Variants in ZNF521 observed in about 807,000 individuals in gnomAD.
ZNF521 encodes the protein zinc finger protein 521, also known as LYST-interacting protein 3.
ZNF521 carries 14 observed loss-of-function variants against 105.5 expected under a neutral mutation model. That is an observed-to-expected ratio of 0.13 (90% CI 0.09 to 0.21). The LOEUF is 0.21. Ranked by LOEUF, ZNF521 falls within the 10% of genes least tolerant of loss-of-function variation. The pLI is 1.00. For missense variants in ZNF521, 1,233 were observed against 1,629.7 expected, an observed-to-expected ratio of 0.76 and a Z score of 4.19; for synonymous variants, 635 against 606.0, an observed-to-expected ratio of 1.05 and a Z score of -0.70.
chr18:25,333,822 T>C (rs780110558), intron 2 of ZNF521, among the ~76,000 whole-genome samples: 46 of 152,232 alleles, frequency 3.0e-4, no homozygotes, highest in Non-Finnish European at 6.3e-4. Flanking sequence ...ATCTGCTTCA[T>C]GGTGTGTTTA....
Position 25,089,517 on chromosome 18 carries a change from A to G in ZNF521, c.3854T>C (p.Ile1285Thr). 6.2e-7 allele frequency: 1 copy of G among 1,614,178 alleles called. No individual in the cohort carries two copies. Among genetic ancestry groups the G allele is most frequent in the African/African-American group, 1.3e-5 (1 of 75,034 alleles). ...IFSAHGQEDK[I>T]YDCTQCPQKF... ...CTGTGGACATTGTGTACAGTCATAG[A>G]TCTTGTCTTCTTGTCCATGGGCAGA... The change falls in exon 7 of 8, where the codon ATC (isoleucine) becomes ACC (threonine). Residue 1285 changes from isoleucine to threonine, a missense_variant. Coordinates refer to ENST00000361524, the MANE Select transcript of ZNF521 (RefSeq NM_015461.3).
intron 3 of ZNF521, among the ~76,000 whole-genome samples, chr18:25,298,927 A>C (rs527638444): frequency 6.6e-6 from 1 of 152,312 alleles, no homozygotes; most frequent in Admixed American, 6.5e-5. Context: ...GCCCCAAAAC[A>C]ATGCAGCGTT....
At chr18:25,335,718 T>G (rs1411339761) in intron 2 of ZNF521, among the ~76,000 whole-genome samples, 1 of 152,166 alleles carries the variant, frequency 6.6e-6, no homozygotes, top group Non-Finnish European at 1.5e-5. Context: ...AGTCATCTGA[T>G]TGGATATATT....
At chr18:25,341,485 C>A (rs1350332850) in intron 2 of ZNF521, among the ~76,000 whole-genome samples, 1 of 152,124 alleles carries the variant, frequency 6.6e-6, no homozygotes, top group African/African-American at 2.4e-5. Context: ...AAAATGTTAT[C>A]CAGAACTTTT....
rs1432046671 is a variant in ZNF521, at chr18:25,118,822, T to G, written c.3659-26741A>C. ...ACATTATAATGTACTGAACACTAAT[T>G]AAAAGAAAGATTGTCAGAATGAATA... On this transcript the variant is annotated intron_variant, in intron 5 of 7. Transcript: ENST00000361524. Among the ~76,000 whole-genome samples, 3 of 151,998 alleles carry G rather than the reference T, an allele frequency of 2.0e-5. No individual in the cohort carries two copies. In the East Asian group the frequency reaches 5.8e-4, roughly 29 times the overall value.
In ZNF521 at chr18:25,226,670, T is replaced by C; in HGVS notation, c.1248A>G (p.Ser416=). ...SCIYCNKQLF[S]SLAVLQIHLK... ...GGTGAATCTGCAGAACTGCAAGACT[T>C]GAAAATAATTGTTTGTTGCAGTAAA... The change falls in exon 4 of 8, where the codon TCA becomes TCG. Residue 416 remains serine, a synonymous_variant. Coordinates refer to ENST00000361524, the MANE Select transcript of ZNF521 (RefSeq NM_015461.3). The surrounding 1 kb of genome is among the most constrained non-coding windows in gnomAD (Gnocchi z 4.1). The C allele has an allele frequency of 6.2e-7, 1 of 1,614,174 alleles. No individual in the cohort carries two copies. The highest frequency in any genetic ancestry group is 8.5e-7 in the Non-Finnish European group (1 of 1,180,020).
chr18:25,285,196 T>A (rs1320990889), intron 3 of ZNF521, among the ~76,000 whole-genome samples: 2 of 152,192 alleles, frequency 1.3e-5, no homozygotes, highest in Non-Finnish European at 2.9e-5. Flanking sequence ...CTCTGTAATT[T>A]CCAGCTTCTC....
At chr18:25,140,635 T>G (rs936028956) in intron 5 of ZNF521, among the ~76,000 whole-genome samples, 1 of 152,166 alleles carries the variant, frequency 6.6e-6, no homozygotes, top group African/African-American at 2.4e-5. Context: ...AATGGCTACA[T>G]TTTTCAACAC....
In ZNF521 at chr18:25,224,507, C is replaced by T; in HGVS notation, c.3411G>A (p.Lys1137=). 1 of 1,614,024 alleles carries T rather than the reference C, an allele frequency of 6.2e-7. No individual in the cohort carries two copies. Among genetic ancestry groups the T allele is most frequent in the Non-Finnish European group, 8.5e-7 (1 of 1,179,992 alleles). ...IEGKGKVGGL[K]TRCSSCNVKF... ...TAACGTTGCAGCTAGAGCAGCGTGT[C>T]TTCAGTCCCCCCACCTTGCCTTTCC... The change falls in exon 4 of 8, where the codon AAG becomes AAA. Residue 1137 remains lysine (K), a synonymous_variant. Coordinates refer to ENST00000361524, the MANE Select transcript of ZNF521 (RefSeq NM_015461.3).
chr18:25,247,312 A>G (rs1907801402), intron 3 of ZNF521, among the ~76,000 whole-genome samples: 1 of 152,198 alleles, frequency 6.6e-6, no homozygotes, highest in South Asian at 2.1e-4. Flanking sequence ...TCGAACATAT[A>G]ATAGCCACCA....
chr18:25,309,209 C>T (rs1235092157), intron 3 of ZNF521, among the ~76,000 whole-genome samples: 1 of 152,216 alleles, frequency 6.6e-6, no homozygotes, highest in Admixed American at 6.5e-5. Context: ...TCATAACCAT[C>T]GCTTCAGTCC....
chr18:25,245,984 C>G (rs910546154), intron 3 of ZNF521, among the ~76,000 whole-genome samples: 1 of 151,876 alleles, frequency 6.6e-6, no homozygotes, highest in South Asian at 2.1e-4. Context: ...GCCTGGGTGA[C>G]AGAGTGAGAC....
chr18:25,241,801 G>GT (rs1568030615), intron 3 of ZNF521, among the ~76,000 whole-genome samples: 1 of 152,156 alleles, frequency 6.6e-6, no homozygotes, highest in African/African-American at 2.4e-5. Context: ...ACCATTATTT[G>GT]TAAGTATTCA....
intron 3 of ZNF521, among the ~76,000 whole-genome samples, chr18:25,277,575 A>G (rs899994124): frequency 6.6e-6 from 1 of 152,228 alleles, no homozygotes; most frequent in African/African-American, 2.4e-5. Context: ...GGCTCAGTGG[A>G]AGAATGGGTG....
chr18:25,082,534 G>C, intron 7 of ZNF521: 1 of 450,434 alleles, frequency 2.2e-6, no homozygotes, highest in East Asian at 7.0e-5. Context: ...ATTTTGTGTG[G>C]GGATAATAAA....
chr18:25,341,786 C>T (rs1446073369), intron 2 of ZNF521, among the ~76,000 whole-genome samples: 1 of 152,142 alleles, frequency 6.6e-6, no homozygotes, highest in East Asian at 1.9e-4. Flanking sequence ...AGCTTTCTTC[C>T]AAAAACTAAA....
Position 25,062,752 on chromosome 18 carries a change from C to CAAAAAA in ZNF521, c.3907-17_3907-12dup, listed in dbSNP as rs10540123. 7.1e-3 allele frequency: 2,588 copies of CAAAAAA among 364,990 alleles called. 175 individuals carry two copies. Among genetic ancestry groups the CAAAAAA allele is most frequent in the South Asian group, 0.011 (342 of 30,052 alleles). 22.6% of individuals were successfully genotyped at this position (364,990 alleles called of 1,614,324 possible). A position where few individuals can be genotyped will look rare whatever the true frequency, so the allele number is the denominator to read the frequency against. The stretch of plus-strand genomic sequence containing the variant: ...GGTCATTGTATGATTCTGTAAATAA[C>CAAAAAA]AAAAAAAAAAAAAAAAAAAAAAAAA... On this transcript the variant is annotated splice_polypyrimidine_tract_variant and intron_variant, in intron 7 of 7. Transcript: ENST00000361524.
At chr18:25,288,572 TAAAAAAAAAAAAACCCAGCTTTGAAA>T (rs1168856156) in intron 3 of ZNF521, among the ~76,000 whole-genome samples, 10 of 106,902 alleles carry the variant, frequency 9.4e-5, no homozygotes, top group Non-Finnish European at 2.0e-4. Flanking sequence ...TTATAACACT[TAAAAAAAAAAAAACCCAGCTTTGAAA>T]AAAAAAAAAA....
intron 7 of ZNF521, chr18:25,082,502 A>AT (rs1466727915): frequency 2.3e-6 from 1 of 434,686 alleles, no homozygotes; most frequent in Non-Finnish European, 4.6e-6. Flanking sequence ...GAGGCAAGAC[A>AT]TAACAGGGTT....
Sources: allele counts gnomAD v4.1 joint callset (sites outside exome capture counted in the v4.1 genomes callset), GRCh38; gene constraint gnomAD v4.1.1; non-coding constraint Gnocchi (gnomAD v3.1); transcripts MANE v1.5; gene names NCBI Gene and HGNC (gene_info 2026-07-23, HGNC 2026-07-21).